Variants in FAM135B observed in about 807,000 individuals in gnomAD.
FAM135B encodes family with sequence similarity 135 member B.
In FAM135B, 43 loss-of-function variants were observed where a neutral mutation model predicts 127.7. The observed-to-expected ratio is 0.34, with a 90% CI of 0.26 to 0.43. The LOEUF (loss-of-function observed/expected upper bound fraction) is 0.43. Among genes scored for constraint, FAM135B ranks in the 20% least tolerant of loss-of-function variants. The pLI is 1.00. For missense variants in FAM135B, 1,558 were observed against 1,725.6 expected (o/e 0.90, Z 1.72); for synonymous variants, 670 against 665.1 (o/e 1.01, Z -0.11).
intron 1 of FAM135B, among the ~76,000 whole-genome samples, chr8:138,431,228 C>T (rs1038764690): frequency 6.6e-6 from 1 of 152,304 alleles, no homozygotes; most frequent in South Asian, 2.1e-4. Context: ...ACTAATGAAA[C>T]TTCTCTTATG....
chr8:138,285,134 ATTTTTTTT>A (rs386414180), intron 3 of FAM135B, among the ~76,000 whole-genome samples: 9 of 54,796 alleles, frequency 1.6e-4, no homozygotes, highest in Admixed American at 3.4e-4. Context: ...GGCTCTACTA[ATTTTTTTT>A]TTTTTTTTTT....
At chr8:138,298,897 C>G (rs1180208652) in intron 3 of FAM135B, among the ~76,000 whole-genome samples, 1 of 151,786 alleles carries the variant, frequency 6.6e-6, no homozygotes, top group African/African-American at 2.4e-5. Flanking sequence ...TCTATACACC[C>G]CACACTGGGT....
intron 2 of FAM135B, among the ~76,000 whole-genome samples, chr8:138,354,413 C>G (rs1481430556): frequency 1.3e-5 from 2 of 152,140 alleles, no homozygotes; most frequent in Admixed American, 1.3e-4. Context: ...TTTGTGCATA[C>G]CTTCTCAATG....
chr8:138,477,076 C>T lies in FAM135B; in HGVS notation c.-20+19595G>A, dbSNP rs1394780603. The stretch of plus-strand genomic sequence containing the variant: ...GGAACCTGAACCATCCAATATACAT[C>T]GTCCTTCCTTGCATCTGAGCTATTT... On this transcript the variant is annotated intron_variant, in intron 1 of 19. Coordinates refer to ENST00000395297, the MANE Select transcript of FAM135B (RefSeq NM_015912.4). Among the ~76,000 whole-genome samples, 27 of 152,172 alleles carry T rather than the reference C, an allele frequency of 1.8e-4. 1 individual carries two copies. Among genetic ancestry groups the T allele is most frequent in the Admixed American group, 1.6e-3 (25 of 15,284 alleles).
chr8:138,143,243 G>A, intron 15 of FAM135B, 134 bp from the exon 16 acceptor site: 1 of 601,550 alleles, frequency 1.7e-6, no homozygotes, highest in Non-Finnish European at 3.0e-6. Context: ...ACGGCTACAG[G>A]ATAAGATATG....
rs149634221 is a variant in FAM135B, at chr8:138,465,511, G to A, written c.-20+31160C>T. ...AGCTGCCTCTCTAAAATCCTCTCTC[G>A]TGCCCATGCATGCTTTCTCACCACC... On this transcript the variant is annotated intron_variant, in intron 1 of 19. Transcript: ENST00000395297. 6.6e-4 allele frequency among the ~76,000 whole-genome samples: 100 copies of A among 152,180 alleles called. 1 individual carries two copies. The highest frequency in any genetic ancestry group is 2.2e-3 in the African/African-American group (91 of 41,536).
intron 12 of FAM135B, among the ~76,000 whole-genome samples, chr8:138,163,541 C>T (rs1342295188): frequency 6.6e-6 from 1 of 152,104 alleles, no homozygotes; most frequent in Non-Finnish European, 1.5e-5. Flanking sequence ...TGTTCTCGTG[C>T]TCGTGAATAC....
At chr8:138,458,765 C>A (rs1836949808) in intron 1 of FAM135B, among the ~76,000 whole-genome samples, 2 of 152,190 alleles carry the variant, frequency 1.3e-5, no homozygotes, top group Non-Finnish European at 2.9e-5. Context: ...TACCATCTAT[C>A]TAGCCCTTTA....
intron 2 of FAM135B, among the ~76,000 whole-genome samples, chr8:138,338,988 T>C (rs1251602553): frequency 1.3e-5 from 2 of 151,966 alleles, no homozygotes; most frequent in South Asian, 2.1e-4. Flanking sequence ...GAAACCATCA[T>C]TCTCAGCAAA....
intron 1 of FAM135B, among the ~76,000 whole-genome samples, chr8:138,376,095 G>A (rs1831454965): frequency 6.6e-6 from 1 of 152,030 alleles, no homozygotes; most frequent in African/African-American, 2.4e-5. Flanking sequence ...CTGGGTTCAA[G>A]TGATTCCTGG....
intron 3 of FAM135B, among the ~76,000 whole-genome samples, chr8:138,291,664 A>G (rs948573355): frequency 4.6e-5 from 7 of 152,218 alleles, no homozygotes; most frequent in African/African-American, 1.7e-4. Context: ...AATACAGCAT[A>G]TCAACAGAAT....
chr8:138,387,839 G>T (rs1004381366), intron 1 of FAM135B, among the ~76,000 whole-genome samples: 1 of 152,004 alleles, frequency 6.6e-6, no homozygotes, highest in African/African-American at 2.4e-5. Flanking sequence ...TTCACTAGTG[G>T]TCTCCCTGCC....
intron 1 of FAM135B, among the ~76,000 whole-genome samples, chr8:138,477,946 G>A (rs1293472650): frequency 6.6e-6 from 1 of 152,160 alleles, no homozygotes; most frequent in Non-Finnish European, 1.5e-5. Context: ...CAGTAAAGAT[G>A]TCAGAGAAGA....
intron 3 of FAM135B, among the ~76,000 whole-genome samples, chr8:138,304,634 CTGAGA>C (rs1233251522): frequency 6.6e-6 from 1 of 152,158 alleles, no homozygotes; most frequent in African/African-American, 2.4e-5. Flanking sequence ...AAAACAGGAG[CTGAGA>C]TGAGTCAAGG....
rs778001159 is a variant in FAM135B at position 138,152,296 on chromosome 8, A to C, written c.2179T>G (p.Ser727Ala). 2 of 1,614,044 alleles carry C rather than the reference A, an allele frequency of 1.2e-6. No homozygotes were observed. The highest frequency in any genetic ancestry group is 2.2e-5 in the South Asian group (2 of 91,076). ...FVRRHALHRN[S>A]LEGGHTESNT... ...CTTTCTGTGTGTCCACCCTCTAGGG[A>C]GTTCCGGTGGAGGGCATGTCTTCGA... The change falls in exon 13 of 20, where the codon TCC becomes GCC. Residue 727 changes from serine to alanine, a missense_variant. Coordinates refer to ENST00000395297, the MANE Select transcript of FAM135B (RefSeq NM_015912.4).
At chr8:138,425,289 C>A (rs951322803) in intron 1 of FAM135B, 1 of 152,148 alleles carries the variant, frequency 6.6e-6, no homozygotes, top group Admixed American at 6.6e-5. Context: ...ACTCAGAGCA[C>A]TAGCAATCTG....
At chr8:138,415,513 G>A (rs1305916815) in intron 1 of FAM135B, among the ~76,000 whole-genome samples, 1 of 152,192 alleles carries the variant, frequency 6.6e-6, no homozygotes, top group African/African-American at 2.4e-5. Flanking sequence ...TGGAACCTGA[G>A]ACCCAGGGAT....
chr8:138,422,377 T>G (rs949220318), intron 1 of FAM135B, among the ~76,000 whole-genome samples: 1 of 152,042 alleles, frequency 6.6e-6, no homozygotes, highest in Non-Finnish European at 1.5e-5. Context: ...ATTTGTCTAA[T>G]AAGGGTCTAA....
intron 4 of FAM135B, 113 bp from the exon 5 acceptor site, chr8:138,256,872 G>C: frequency 2.6e-6 from 2 of 781,288 alleles, no homozygotes; most frequent in Non-Finnish European, 4.4e-6. Context: ...AAAAATCAAT[G>C]TCATTTATGC....
Sources: gnomAD v4.1 joint callset for allele counts (sites outside exome capture counted in the v4.1 genomes callset) on GRCh38, gnomAD v4.1.1 for gene constraint, MANE v1.5 for transcripts, NCBI Gene and HGNC (gene_info 2026-07-23, HGNC 2026-07-21) for gene names.